HPSE2: variants seen among roughly 807,000 people sequenced by gnomAD.
HPSE2 encodes the protein inactive heparanase-2.
HPSE2 carries 38 observed loss-of-function variants against 60.5 expected under a neutral mutation model. The ratio of observed to expected loss-of-function variants is 0.63; its 90% CI spans 0.48 to 0.82. HPSE2 has a LOEUF of 0.82. HPSE2 is among the 40% of genes least tolerant of loss of function. HPSE2 has a pLI of 0.00. For missense variants in HPSE2, 713 were observed against 740.4 expected, an observed-to-expected ratio of 0.96 and a Z score of 0.43; for synonymous variants, 295 against 293.2, an observed-to-expected ratio of 1.01 and a Z score of -0.06.
At chr10:99,244,916 C>G in the HPSE2 span, among the ~76,000 whole-genome samples, 1 of 152,050 alleles carries the variant, frequency 6.6e-6, no homozygotes, top group African/African-American at 2.4e-5. Flanking sequence ...CCCACATAAG[C>G]AGATCCAAGA....
chr10:99,213,008 C>T (rs1014056060), intron 2 of HPSE2, among the ~76,000 whole-genome samples: 2 of 152,054 alleles, frequency 1.3e-5, no homozygotes, highest in African/African-American at 4.8e-5. Flanking sequence ...AAGGAGGTTA[C>T]CATTTTAGCA....
intron 3 of HPSE2, among the ~76,000 whole-genome samples, chr10:99,029,707 G>C (rs1362660490): frequency 6.6e-6 from 1 of 152,194 alleles, no homozygotes; most frequent in African/African-American, 2.4e-5. Context: ...GGCAGAGCCA[G>C]GTGTACAGGA....
At chr10:98,465,746 C>T (rs7905847) in intron 11 of HPSE2, among the ~76,000 whole-genome samples, 12,399 of 152,206 alleles carry the variant, frequency 0.081, 1,479 homozygotes, top group African/African-American at 0.26. Flanking sequence ...CTAAATGGCT[C>T]GTGACTTTTT....
In HPSE2 at chr10:99,082,850, C is replaced by T. The variant is rs1843193851; in HGVS notation, c.610+61388G>A. ...AGTTAAGGCTTAGAGCCTTAACATGCAAAATACAAAAATAACTGAATTTCG... is the reference window on the plus strand; with the variant it reads ...AGTTAAGGCTTAGAGCCTTAACATGTAAAATACAAAAATAACTGAATTTCG... On this transcript the variant is annotated intron_variant, in intron 3 of 11. Transcript: ENST00000370552. Among the ~76,000 whole-genome samples, 2 of 151,974 alleles carry T rather than the reference C, an allele frequency of 1.3e-5. 1 individual carries two copies. The highest frequency in any genetic ancestry group is 4.1e-4 in the South Asian group (2 of 4,830).
chr10:98,482,483 G>C (rs80343100), intron 11 of HPSE2, among the ~76,000 whole-genome samples, 153 bp downstream of exon 11: 7,025 of 152,200 alleles, frequency 0.046, 523 homozygotes, highest in African/African-American at 0.16. Flanking sequence ...TTCCCAAAAG[G>C]AGTCAGCAGT....
At chr10:99,313,877 G>A in the HPSE2 span, among the ~76,000 whole-genome samples, 1 of 151,964 alleles carries the variant, frequency 6.6e-6, no homozygotes, top group Non-Finnish European at 1.5e-5. Context: ...TGGATTACAG[G>A]CATGAGTCAC....
At position 98,562,091 on chromosome 10, in the gene HPSE2, C is replaced by T. The variant is rs552207197; in HGVS notation, c.1320+52813G>A. Among the ~76,000 whole-genome samples the T allele has an allele frequency of 1.1e-4, 16 of 152,138 alleles. No homozygotes were observed. In the East Asian group the frequency reaches 2.7e-3, roughly 26 times the overall value. ...TTTAATCTTTTATACCATATTTTCC[C>T]GTACCTTTTCTATGTTTTGATATCT... On this transcript the variant is annotated intron_variant, in intron 9 of 11. Transcript: ENST00000370552.
chr10:99,041,552 G>A (rs1477476993), intron 3 of HPSE2, among the ~76,000 whole-genome samples: 1 of 152,160 alleles, frequency 6.6e-6, no homozygotes, highest in African/African-American at 2.4e-5. Context: ...AACCCAGGTT[G>A]AGCCCCACAG....
chr10:98,891,720 C>A (rs369847069), intron 3 of HPSE2, among the ~76,000 whole-genome samples: 12 of 152,188 alleles, frequency 7.9e-5, no homozygotes, highest in African/African-American at 2.6e-4. Context: ...CCCCTCAAAG[C>A]ATTGAGATTA....
intron 4 of HPSE2, among the ~76,000 whole-genome samples, chr10:98,732,540 G>T (rs1023938177): frequency 5.9e-5 from 9 of 151,856 alleles, no homozygotes; most frequent in African/African-American, 1.9e-4. Context: ...GGGAAAAAAT[G>T]GTCTTTTTAA....
intron 2 of HPSE2, among the ~76,000 whole-genome samples, chr10:99,227,871 G>A (rs11190023): frequency 0.12 from 3,594 of 30,334 alleles, 123 homozygotes; most frequent in East Asian, 0.4. Context: ...GTGTATATAT[G>A]TGTGTGTGTG....
chr10:98,545,200 T>G (rs1943625718), intron 9 of HPSE2, among the ~76,000 whole-genome samples: 1 of 151,838 alleles, frequency 6.6e-6, no homozygotes, highest in Admixed American at 6.6e-5. Context: ...ACCAGATGGA[T>G]TCACAGCCAA....
At chr10:98,693,296 T>A (rs1459659551) in intron 6 of HPSE2, among the ~76,000 whole-genome samples, 1 of 152,240 alleles carries the variant, frequency 6.6e-6, no homozygotes, top group Non-Finnish European at 1.5e-5. Context: ...ACTTATAGAA[T>A]ATTTAAATTT....
the HPSE2 span, among the ~76,000 whole-genome samples, chr10:99,278,524 A>C: frequency 6.6e-6 from 1 of 152,104 alleles, no homozygotes; most frequent in Admixed American, 6.6e-5. Flanking sequence ...TTTCCCATCC[A>C]AAAATTTCCA....
intron 3 of HPSE2, among the ~76,000 whole-genome samples, chr10:98,991,661 T>C (rs115222325): frequency 1.8e-4 from 28 of 152,160 alleles, no homozygotes; most frequent in African/African-American, 6.3e-4. Flanking sequence ...GATCCATGTA[T>C]ATATGTCAAT....
intron 9 of HPSE2, among the ~76,000 whole-genome samples, chr10:98,509,626 C>A (rs1006258660): frequency 1.3e-5 from 2 of 151,954 alleles, no homozygotes; most frequent in East Asian, 3.9e-4. Flanking sequence ...CTCAGCCACC[C>A]GAGTAGCTGG....
intron 9 of HPSE2, among the ~76,000 whole-genome samples, chr10:98,570,297 A>C (rs1367596605): frequency 6.6e-6 from 1 of 152,140 alleles, no homozygotes; most frequent in Non-Finnish European, 1.5e-5. Flanking sequence ...TGCTATCTGC[A>C]TGGCACGGCT....
upstream of HPSE2, among the ~76,000 whole-genome samples, chr10:99,239,115 A>G (rs189728532): frequency 7.2e-4 from 109 of 152,132 alleles, 1 homozygote; most frequent in East Asian, 0.02. Context: ...GCCAAGATGG[A>G]GCCATTGCAC....
chr10:98,882,790 T>C (rs180977671), intron 3 of HPSE2, among the ~76,000 whole-genome samples: 7 of 152,066 alleles, frequency 4.6e-5, no homozygotes, highest in Non-Finnish European at 1.0e-4. Flanking sequence ...CTGTCTAATC[T>C]AGCCCAGTGC....
Sources: allele counts gnomAD v4.1 joint callset (sites outside exome capture counted in the v4.1 genomes callset), GRCh38; gene constraint gnomAD v4.1.1; transcripts MANE v1.5; gene names NCBI Gene and HGNC (gene_info 2026-07-23, HGNC 2026-07-21).